Variants in SLC35F1 observed in about 807,000 individuals in gnomAD.
SLC35F1 encodes solute carrier family 35 member F1, also known as chromosome 6 open reading frame 169.
A neutral mutation model predicts 48.7 loss-of-function variants in SLC35F1; 14 were observed. The observed-to-expected ratio is 0.29, with a 90% CI of 0.19 to 0.45. SLC35F1 has a LOEUF of 0.45. Among genes scored for constraint, SLC35F1 ranks in the 20% least tolerant of loss-of-function variants. The probability of loss-of-function intolerance (pLI) is 1.00; values close to 1 mark genes in which losing one functional copy is unlikely to be tolerated. For missense variants in SLC35F1, 404 were observed against 500.0 expected, an observed-to-expected ratio of 0.81 and a Z score of 1.83; for synonymous variants, 190 against 202.2, an observed-to-expected ratio of 0.94 and a Z score of 0.51.
At chr6:118,085,018 G>C (rs145924733) in intron 1 of SLC35F1, among the ~76,000 whole-genome samples, 5 of 152,098 alleles carry the variant, frequency 3.3e-5, no homozygotes, top group Admixed American at 1.3e-4. Context: ...CCCCTCTTCC[G>C]GTTGTAGGTA....
At chr6:118,089,915 C>T (rs565227972) in intron 1 of SLC35F1, among the ~76,000 whole-genome samples, 3 of 152,182 alleles carry the variant, frequency 2.0e-5, no homozygotes, top group Non-Finnish European at 4.4e-5. Context: ...GACTCAAAGC[C>T]GAAAAGCTAT....
At position 117,907,759 on chromosome 6, in the gene SLC35F1, G is replaced by A; in HGVS notation, c.33G>A (p.Leu11=). 1 of 1,559,332 alleles carries A rather than the reference G, an allele frequency of 6.4e-7. No homozygotes were observed. The highest frequency in any genetic ancestry group is 8.6e-7 in the Non-Finnish European group (1 of 1,161,992). ...CCCCTGAGCAGCCGCAGCAGCAGCT[G>A]CAGCCGCCGTCGCCAGCCCCGCCGA... MIPPEQPQQQ[L]QPPSPAPPNH... Residue 11 remains leucine (L), a synonymous_variant, in exon 1 of 8, where the codon CTG becomes CTA. Transcript: ENST00000360388.
intron 1 of SLC35F1, among the ~76,000 whole-genome samples, chr6:117,934,108 C>T (rs78840926): frequency 2.6e-5 from 4 of 152,088 alleles, no homozygotes; most frequent in East Asian, 3.9e-4. Context: ...GGGTGATCTC[C>T]GAAATTTAAA....
chr6:118,172,094 C>T (rs1582710151), intron 2 of SLC35F1, among the ~76,000 whole-genome samples: 1 of 152,022 alleles, frequency 6.6e-6, no homozygotes, highest in East Asian at 1.9e-4. Context: ...AGTAATAATC[C>T]TTCAGGGCAT....
intron 2 of SLC35F1, among the ~76,000 whole-genome samples, chr6:118,195,896 G>A (rs1487600350): frequency 3.3e-5 from 5 of 152,076 alleles, no homozygotes; most frequent in South Asian, 2.1e-4. Flanking sequence ...TGTTCACTCC[G>A]CACTCCTGGG....
chr6:118,212,058 T>C (rs529647834), intron 2 of SLC35F1, among the ~76,000 whole-genome samples: 1 of 152,338 alleles, frequency 6.6e-6, no homozygotes, highest in Non-Finnish European at 1.5e-5. Flanking sequence ...CTTTTTCCTT[T>C]GTATGCATTC....
At chr6:118,298,492 T>C (rs955384873) in intron 7 of SLC35F1, among the ~76,000 whole-genome samples, 1 of 152,108 alleles carries the variant, frequency 6.6e-6, no homozygotes, top group African/African-American at 2.4e-5. Context: ...CCCCAGATAA[T>C]GGCAAGCCCC....
At chr6:118,078,595 G>A (rs941327275) in intron 1 of SLC35F1, among the ~76,000 whole-genome samples, 17 of 152,190 alleles carry the variant, frequency 1.1e-4, no homozygotes, top group Non-Finnish European at 2.2e-4. Flanking sequence ...TAGTCTCGTG[G>A]TGGTGGATTA....
At chr6:118,163,254 G>C (rs945758606) in intron 2 of SLC35F1, among the ~76,000 whole-genome samples, 2 of 151,984 alleles carry the variant, frequency 1.3e-5, no homozygotes, top group Non-Finnish European at 2.9e-5. Context: ...CTGAGCCACC[G>C]TGCCTGGCCA....
intron 1 of SLC35F1, among the ~76,000 whole-genome samples, chr6:118,040,413 G>A (rs913613535): frequency 6.6e-6 from 1 of 152,136 alleles, no homozygotes; most frequent in Non-Finnish European, 1.5e-5. Context: ...AGCGAAAAGG[G>A]ATGGATTATA....
intron 7 of SLC35F1, 76 bp from the exon 8 acceptor site, chr6:118,313,952 T>G: frequency 1.5e-6 from 2 of 1,345,144 alleles, no homozygotes; most frequent in Non-Finnish European, 2.1e-6. Context: ...GCTCTGCTCA[T>G]GTTTCTGTGT....
At chr6:117,938,681 G>T (rs923037611) in intron 1 of SLC35F1, among the ~76,000 whole-genome samples, 2 of 152,216 alleles carry the variant, frequency 1.3e-5, no homozygotes, top group African/African-American at 4.8e-5. Flanking sequence ...ATTCTCAGTG[G>T]TGAAGGGCCC....
chr6:117,942,806 T>C (rs928432612), intron 1 of SLC35F1, among the ~76,000 whole-genome samples: 1 of 152,242 alleles, frequency 6.6e-6, no homozygotes, highest in African/African-American at 2.4e-5. Context: ...GTAATTATCA[T>C]TGTTGTTAGC....
At chr6:118,150,183 TA>T (rs1161675932) in intron 1 of SLC35F1, among the ~76,000 whole-genome samples, 2 of 152,150 alleles carry the variant, frequency 1.3e-5, no homozygotes, top group African/African-American at 4.8e-5. Flanking sequence ...GAGGATTAAC[TA>T]AGATAGTATG....
chr6:118,128,101 C>A (rs1003320230), intron 1 of SLC35F1, among the ~76,000 whole-genome samples: 1 of 144,890 alleles, frequency 6.9e-6, no homozygotes, highest in Non-Finnish European at 1.5e-5. Context: ...CAAATCAAAA[C>A]CACAATGAGA....
At position 117,907,792 on chromosome 6, in the gene SLC35F1, G is replaced by A. The variant is rs761085356; in HGVS notation, c.66G>A (p.Val22=). 6.4e-7 allele frequency: 1 copy of A among 1,560,138 alleles called. No homozygotes were observed. Among genetic ancestry groups the A allele is most frequent in the East Asian group, 2.5e-5 (1 of 39,446 alleles). The change falls in exon 1 of 8, where the codon GTG becomes GTA. Residue 22 remains valine (V), a synonymous_variant. Transcript: ENST00000360388. ...QPPSPAPPNH[V]VTTIENLPAE... ...CGTCGCCAGCCCCGCCGAACCATGT[G>A]GTGACCACCATCGAGAACCTGCCGG...
rs569438576 is a variant in SLC35F1, at chr6:118,028,825, A to G, written c.173+120926A>G. 3.2e-4 allele frequency among the ~76,000 whole-genome samples: 48 copies of G among 152,226 alleles called. 1 individual carries two copies. Among genetic ancestry groups the G allele is most frequent in the Non-Finnish European group, 6.0e-4 (41 of 67,974 alleles). On this transcript the variant is annotated intron_variant, in intron 1 of 7. Transcript: ENST00000360388. The stretch of plus-strand genomic sequence containing the variant: ...AGATGATAAAGATAGTGGTTTTTAA[A>G]CTATGTGCTTTTGCAAAAGATAGCA...
At chr6:118,215,965 T>C (rs1775065809) in intron 2 of SLC35F1, among the ~76,000 whole-genome samples, 1 of 152,244 alleles carries the variant, frequency 6.6e-6, no homozygotes. Flanking sequence ...TAAAGTGTAC[T>C]TTGTATCATA....
At chr6:118,142,165 C>A (rs1159239364) in intron 1 of SLC35F1, among the ~76,000 whole-genome samples, 1 of 152,106 alleles carries the variant, frequency 6.6e-6, no homozygotes, top group African/African-American at 2.4e-5. Context: ...GTCTTGGTAG[C>A]TTTTAAAAAG....
Sources: allele counts gnomAD v4.1 joint callset (sites outside exome capture counted in the v4.1 genomes callset), GRCh38; gene constraint gnomAD v4.1.1; transcripts MANE v1.5; gene names NCBI Gene and HGNC (gene_info 2026-07-23, HGNC 2026-07-21).